FHL2: variants seen among roughly 807,000 people sequenced by gnomAD.
FHL2 encodes four and a half LIM domains 2, also known as four and a half LIM domains protein 2.
A neutral mutation model predicts 32.7 loss-of-function variants in FHL2; 20 were observed. The observed-to-expected ratio is 0.61, with a 90% CI of 0.43 to 0.89. The LOEUF (loss-of-function observed/expected upper bound fraction) is 0.89, where lower values mean the gene tolerates loss of function less well. Ranked by LOEUF, FHL2 falls within the 40% of genes least tolerant of loss-of-function variation. FHL2 has a pLI of 0.00. For missense variants in FHL2, 311 were observed against 358.6 expected (o/e 0.87, Z 1.07); for synonymous variants, 123 against 128.1 (o/e 0.96, Z 0.27).
upstream of FHL2, among the ~76,000 whole-genome samples, chr2:105,400,686 A>ATTTTTTTTTT (rs57296524): frequency 2.3e-5 from 3 of 132,808 alleles, no homozygotes; most frequent in African/African-American, 2.8e-5. Context: ...TTATATTTTA[A>ATTTTTTTTTT]TTTTTTTTTT....
intron 1 of FHL2, among the ~76,000 whole-genome samples, chr2:105,418,732 C>G (rs1402198264): frequency 1.5e-4 from 23 of 152,174 alleles, no homozygotes; most frequent in Admixed American, 1.5e-3. Flanking sequence ...TCCACGCTTT[C>G]AGTTACTCAT....
chr2:105,399,313 G>C (rs1315120854), upstream of FHL2: 1 of 1,535,860 alleles, frequency 6.5e-7, no homozygotes, highest in South Asian at 1.2e-5. Context: ...GGGCTCTCGG[G>C]CGCGAGTTTC....
At chr2:105,367,424 G>T in intron 5 of FHL2, 146 bp downstream of exon 5, 5 of 748,816 alleles carry the variant, frequency 6.7e-6, no homozygotes, top group Non-Finnish European at 1.1e-5. Context: ...ATGGATAAAT[G>T]CTCAGAATGT....
intron 1 of FHL2, among the ~76,000 whole-genome samples, chr2:105,433,289 T>A (rs1478025508): frequency 6.6e-6 from 1 of 151,182 alleles, no homozygotes; most frequent in Non-Finnish European, 1.5e-5. Flanking sequence ...CAAGCAATTC[T>A]CCTCCCTCAG....
downstream of FHL2, chr2:105,358,653 CT>C (rs1333830954): frequency 6.6e-6 from 1 of 152,164 alleles, no homozygotes; most frequent in Non-Finnish European, 1.5e-5. Flanking sequence ...TTGTTGTATG[CT>C]TCTGGGGAAA....
At chr2:105,435,357 G>A (rs763571632) in intron 1 of FHL2, among the ~76,000 whole-genome samples, 15 of 152,158 alleles carry the variant, frequency 9.9e-5, no homozygotes, top group Non-Finnish European at 1.5e-4. Context: ...CAAAGGATAC[G>A]ACTTGGAGTA....
intron 5 of FHL2, among the ~76,000 whole-genome samples, chr2:105,365,742 G>T (rs1680586642): frequency 6.6e-6 from 1 of 151,974 alleles, no homozygotes; most frequent in South Asian, 2.1e-4. Flanking sequence ...CTGCTCAGGA[G>T]GCTGAGGCAG....
chr2:105,436,592 T>C (rs1684619210), intron 1 of FHL2, among the ~76,000 whole-genome samples: 1 of 152,124 alleles, frequency 6.6e-6, no homozygotes, highest in Non-Finnish European at 1.5e-5. Context: ...AATTATTATT[T>C]ACAGTTTCCC....
chr2:105,400,261 A>C (rs1026633055), upstream of FHL2, among the ~76,000 whole-genome samples: 1 of 152,178 alleles, frequency 6.6e-6, no homozygotes, highest in South Asian at 2.1e-4. Flanking sequence ...CCATGTAAGT[A>C]TATTACGGGA....
In FHL2 at chr2:105,411,821, C is replaced by CAA. The variant is rs560249519; in HGVS notation, c.-24-25283_-24-25282dup. On this transcript the variant is annotated intron_variant, in intron 1 of 5. Coordinates refer to the FHL2 transcript ENST00000393352. ...TGGGCAACAGAGCAAGACTCCATCT[C>CAA]AAAAAAAAAAAAGTTCACATGGCAT... Among the ~76,000 whole-genome samples, 1,091 of 141,408 alleles carry CAA rather than the reference C, an allele frequency of 7.7e-3. 21 individuals carry two copies. The highest frequency in any genetic ancestry group is 0.027 in the African/African-American group (1,048 of 38,788). The allele number at this position is 141,408 out of a possible 152,430, so 92.8% of individuals were successfully genotyped here. A position where few individuals can be genotyped will look rare whatever the true frequency, so the allele number is the denominator to read the frequency against.
intron 3 of FHL2, chr2:105,377,847 T>TCGG: frequency 1.7e-5 from 6 of 354,348 alleles, no homozygotes; most frequent in East Asian, 7.5e-5. Context: ...GAGGAGATCC[T>TCGG]TGGCCTCTCT....
chr2:105,396,350 C>T (rs1683128766), intron 2 of FHL2, among the ~76,000 whole-genome samples: 1 of 152,182 alleles, frequency 6.6e-6, no homozygotes, highest in Non-Finnish European at 1.5e-5. Context: ...GGACCAATGT[C>T]CCAGCTCAAG....
At chr2:105,418,424 A>G (rs559438400) in intron 1 of FHL2, among the ~76,000 whole-genome samples, 8 of 133,874 alleles carry the variant, frequency 6.0e-5, no homozygotes, top group Admixed American at 2.4e-4. Context: ...TGGTCAAACA[A>G]CATCAACAAA....
chr2:105,432,492 C>T (rs1464803850), intron 1 of FHL2, among the ~76,000 whole-genome samples: 7 of 152,114 alleles, frequency 4.6e-5, no homozygotes, highest in Admixed American at 1.3e-4. Flanking sequence ...CCTGCTTTTT[C>T]GGTTCCTAAA....
chr2:105,399,070 C>G, upstream of FHL2: 4 of 1,489,558 alleles, frequency 2.7e-6, no homozygotes, highest in Non-Finnish European at 2.7e-6. Context: ...GCGCAGCTCC[C>G]GCCCTCGAGA....
chr2:105,363,219 G>A, intron 6 of FHL2, 66 bp downstream of exon 6: 1 of 1,519,622 alleles, frequency 6.6e-7, no homozygotes, highest in Non-Finnish European at 9.0e-7. Context: ...AGGGTCACAG[G>A]CTAAAATGCT....
chr2:105,359,751 T>G (rs1412909365), downstream of FHL2: 1 of 152,194 alleles, frequency 6.6e-6, no homozygotes, highest in African/African-American at 2.4e-5. Flanking sequence ...TCAGAAACAC[T>G]GAAGGCTCCC....
rs75873663 is a variant in FHL2 at position 105,366,480 on chromosome 2, G to T, written c.501+1090C>A. Among the ~76,000 whole-genome samples the T allele has an allele frequency of 5.3e-5, 8 of 152,330 alleles. No individual in the cohort carries two copies. In the South Asian group the frequency reaches 1.7e-3, roughly 32 times the overall value. ...TTCCACAGCTGGCGCTGCCCAGGGCGAGTGAGCAGTGGGAGGGTGCCACTC... is the reference window on the plus strand; with the variant it reads ...TTCCACAGCTGGCGCTGCCCAGGGCTAGTGAGCAGTGGGAGGGTGCCACTC... On this transcript the variant is annotated intron_variant, in intron 5 of 6. Transcript: ENST00000530340.
intron 3 of FHL2, chr2:105,373,994 T>C (rs945424867): frequency 2.0e-6 from 1 of 503,672 alleles, no homozygotes; most frequent in Non-Finnish European, 3.6e-6. Flanking sequence ...GAGATGCTTC[T>C]AAAAAACAAA....
Sources: gnomAD v4.1 joint callset for allele counts (sites outside exome capture counted in the v4.1 genomes callset) on GRCh38, gnomAD v4.1.1 for gene constraint, MANE v1.5 for transcripts, NCBI Gene and HGNC (gene_info 2026-07-23, HGNC 2026-07-21) for gene names.